The following CCNJL variants were observed in gnomAD, a reference collection of about 807,000 sequenced individuals.
CCNJL encodes the protein cyclin J like, also known as cyclin-J-like protein.
Under a neutral mutation model 33.4 loss-of-function variants are expected in CCNJL, and 33 were observed. That is an observed-to-expected ratio of 0.99 (90% confidence interval 0.75 to 1.32). CCNJL has a LOEUF of 1.32. CCNJL is among the 40% of genes most tolerant of loss of function. The pLI is 0.00. For synonymous variants in CCNJL, 227 were observed against 220.9 expected (o/e 1.03, Z -0.24); for missense variants, 512 against 499.7 (o/e 1.02, Z -0.23).
At chr5:160,284,920 A>T (rs896349435) in intron 2 of CCNJL, among the ~76,000 whole-genome samples, 1 of 150,764 alleles carries the variant, frequency 6.6e-6, no homozygotes, top group Admixed American at 6.6e-5. Context: ...TTTTATTTTT[A>T]TTTTTTTTAA....
upstream of CCNJL, chr5:160,313,070 T>C (rs1331302328): frequency 1.3e-5 from 2 of 151,804 alleles, no homozygotes; most frequent in South Asian, 4.2e-4. Context: ...CACCCACGAG[T>C]CCCTAATTCT....
At chr5:160,312,945 T>TC (rs1385405578), upstream of CCNJL, 1 of 152,140 alleles carries the variant, frequency 6.6e-6, no homozygotes, top group East Asian at 1.9e-4. Flanking sequence ...TTTTTTTTTT[T>TC]TTCCTGTTTT....
At chr5:160,295,685 G>A (rs1762730867) in intron 2 of CCNJL, among the ~76,000 whole-genome samples, 1 of 152,116 alleles carries the variant, frequency 6.6e-6, no homozygotes, top group South Asian at 2.1e-4. Context: ...GCAGAAACTG[G>A]AATGATGCAG....
chr5:160,258,442 A>C lies in CCNJL; in HGVS notation c.583+1027T>G, dbSNP rs1373921433. 2.5e-5 allele frequency: 25 copies of C among 1,018,334 alleles called. No homozygotes were observed. The Admixed American group carries it at 4.2e-4, about 17-fold the overall frequency. The allele number at this position is 1,018,334 out of a possible 1,614,324, so 63.1% of individuals were successfully genotyped here. A position where few individuals can be genotyped will look rare whatever the true frequency, so the allele number is the denominator to read the frequency against. On this transcript the variant is annotated intron_variant, in intron 4 of 5. Transcript: ENST00000257536. ...TTATAATGACAGGATGTTTCACATG[A>C]AGAGGGCACTGGACCTGTCCATGAA...
chr5:160,266,883 C>T (rs1761618761), intron 3 of CCNJL, among the ~76,000 whole-genome samples: 1 of 152,142 alleles, frequency 6.6e-6, no homozygotes, highest in Admixed American at 6.6e-5. Context: ...AGCTTCCTTT[C>T]CCCAGGACTG....
intron 3 of CCNJL, among the ~76,000 whole-genome samples, chr5:160,273,642 CTTT>C (rs56869675): frequency 1.5e-4 from 15 of 97,738 alleles, no homozygotes; most frequent in Non-Finnish European, 7.5e-5. Context: ...AGTGCCGCCA[CTTT>C]TTTTTTTTTT....
chr5:160,318,826 T>A (rs1763407096), intron 1 of CCNJL, among the ~76,000 whole-genome samples: 1 of 152,112 alleles, frequency 6.6e-6, no homozygotes, highest in African/African-American at 2.4e-5. Flanking sequence ...TCAGTGATTT[T>A]GCATGTGAGC....
chr5:160,268,338 T>C (rs1682979752), intron 3 of CCNJL, among the ~76,000 whole-genome samples: 1 of 152,250 alleles, frequency 6.6e-6, no homozygotes, highest in Non-Finnish European at 1.5e-5. Flanking sequence ...AGCCGCTTAC[T>C]AGCCATGTGG....
chr5:160,253,672 C>A lies in CCNJL; in HGVS notation c.870G>T (p.Gln290His). 1 of 1,608,682 alleles carries A rather than the reference C, an allele frequency of 6.2e-7. No individual in the cohort carries two copies. Among genetic ancestry groups the A allele is most frequent in the Non-Finnish European group, 8.5e-7 (1 of 1,176,466 alleles). The part of the protein sequence containing the change: ...FQPPAYPALG[Q>H]PATTLAQFQT... ...GGAACTGTGCCAGGGTGGTCGCTGG[C>A]TGGCCGAGGGCCGGGTAGGCTGGTG... The change falls in exon 6 of 6, where the codon CAG (glutamine) becomes CAT (histidine). Residue 290 changes from glutamine (Q) to histidine (H), a missense_variant. Gln to His is a conservative substitution (Grantham distance 24, BLOSUM62 0). Transcript: ENST00000257536.
intron 4 of CCNJL, among the ~76,000 whole-genome samples, chr5:160,256,516 T>C (rs1042193452): frequency 5.9e-5 from 9 of 152,244 alleles, no homozygotes; most frequent in Non-Finnish European, 1.2e-4. Context: ...AACTAAGATA[T>C]CTGGCCACGA....
intron 2 of CCNJL, among the ~76,000 whole-genome samples, chr5:160,293,661 G>A (rs947453639): frequency 6.6e-6 from 1 of 152,086 alleles, no homozygotes; most frequent in Admixed American, 6.6e-5. Flanking sequence ...GAACGTAAAT[G>A]CTATGTGCAT....
At position 160,272,444 on chromosome 5, in the gene CCNJL, T is replaced by C. The variant is rs529172509; in HGVS notation, c.280+8081A>G. On this transcript the variant is annotated intron_variant, in intron 3 of 5. Coordinates refer to ENST00000257536, the MANE Select transcript of CCNJL (RefSeq NM_001308173.3). ...GAGGCTTAACAGGCACTAAAAGCAA[T>C]CAGTCTGGAAAGGATTCCTTGTCTG... Among the ~76,000 whole-genome samples the C allele has an allele frequency of 3.9e-5, 6 of 152,274 alleles. No homozygotes were observed. In the East Asian group the frequency reaches 7.7e-4, roughly 20 times the overall value.
In CCNJL at chr5:160,308,139, C is replaced by G. The variant is rs142436751; in HGVS notation, c.66+3719G>C. 3.9e-5 allele frequency among the ~76,000 whole-genome samples: 6 copies of G among 152,310 alleles called. No individual in the cohort carries two copies. The East Asian group carries it at 7.7e-4, about 20-fold the overall frequency. ...TTGGAGGGTGGTCACAAACCCTAAGCCTTACTCTGAGCAGCACTATGTGAA... is the reference window on the plus strand; with the variant it reads ...TTGGAGGGTGGTCACAAACCCTAAGGCTTACTCTGAGCAGCACTATGTGAA... On this transcript the variant is annotated intron_variant, in intron 2 of 5. Coordinates refer to ENST00000257536, the MANE Select transcript of CCNJL (RefSeq NM_001308173.3).
At chr5:160,259,363 TGAG>T in intron 4 of CCNJL, 103 bp downstream of exon 4, 1 of 971,068 alleles carries the variant, frequency 1.0e-6, no homozygotes, top group Non-Finnish European at 1.5e-6. Flanking sequence ...CAGGCCCCAG[TGAG>T]AAGGCCTGAT....
At chr5:160,261,716 C>G (rs953151630) in intron 3 of CCNJL, among the ~76,000 whole-genome samples, 7 of 152,148 alleles carry the variant, frequency 4.6e-5, no homozygotes, top group Admixed American at 3.9e-4. Context: ...CCCTCACCCC[C>G]CTTATCGGTG....
At chr5:160,267,004 G>A (rs1723784767) in intron 3 of CCNJL, among the ~76,000 whole-genome samples, 1 of 152,226 alleles carries the variant, frequency 6.6e-6, no homozygotes, top group African/African-American at 2.4e-5. Flanking sequence ...CCCTCCCCCA[G>A]GGTGAGACTT....
chr5:160,258,429 G>C, intron 4 of CCNJL: 1 of 925,318 alleles, frequency 1.1e-6, no homozygotes, highest in African/African-American at 1.6e-5. Context: ...ATAATGACAG[G>C]ATGTTTCACA....
intron 4 of CCNJL, 27 bp downstream of exon 4, chr5:160,259,442 G>A: frequency 1.3e-6 from 2 of 1,586,292 alleles, no homozygotes; most frequent in Middle Eastern, 2.0e-4. Flanking sequence ...GGGGTGGGAG[G>A]TCCTGCCATC....
chr5:160,311,961 T>A lies in CCNJL; in HGVS notation c.-38A>T, dbSNP rs1763277820. On this transcript the variant is annotated 5_prime_UTR_variant, in exon 2 of 6. An upstream open reading frame in the 5' UTR gains an earlier in-frame stop. Coordinates refer to ENST00000257536, the MANE Select transcript of CCNJL (RefSeq NM_001308173.3). ...GCCGCTATCCGAGGCTACCCGGCTC[T>A]CAGGGCGCACCCTGCGTGGACACGG... 2 of 1,604,280 alleles carry A rather than the reference T, an allele frequency of 1.2e-6. No homozygotes were observed. Among genetic ancestry groups the A allele is most frequent in the African/African-American group, 2.7e-5 (2 of 74,846 alleles).
Sources: allele counts gnomAD v4.1 joint callset (sites outside exome capture counted in the v4.1 genomes callset), GRCh38; gene constraint gnomAD v4.1.1; transcripts MANE v1.5; gene names NCBI Gene and HGNC (gene_info 2026-07-23, HGNC 2026-07-21).